Variants in VPS13B observed in about 807,000 individuals in gnomAD.
The protein encoded by VPS13B is vacuolar protein sorting 13 homolog B.
VPS13B carries 285 observed loss-of-function variants against 426.4 expected under a neutral mutation model. The ratio of observed to expected loss-of-function variants is 0.67; its 90% CI spans 0.61 to 0.74. The LOEUF is 0.74. Ranked by LOEUF, VPS13B falls within the 30% of genes least tolerant of loss-of-function variation. VPS13B has a pLI of 0.00. For synonymous variants in VPS13B, 1,676 were observed against 1,676.4 expected, an observed-to-expected ratio of 1.00 and a Z score of 0.01; for missense variants, 4,537 against 4,782.6, an observed-to-expected ratio of 0.95 and a Z score of 1.51.
At position 99,115,850 on chromosome 8, in the gene VPS13B, A is replaced by C. The variant is rs1231214931; in HGVS notation, c.913A>C (p.Lys305Gln). 6.2e-7 allele frequency: 1 copy of C among 1,613,338 alleles called. No homozygotes were observed. Among genetic ancestry groups the C allele is most frequent in the Non-Finnish European group, 8.5e-7 (1 of 1,179,750 alleles). ...AATAGAGGACCTTACTTGTCATAAT[A>C]AAGATATGCTAGGAAACATTACAGG... Reference protein sequence around the residue: ...GEIEDLTCHNKDMLGNITGSE... With the variant: ...GEIEDLTCHNQDMLGNITGSE... The change falls in exon 7 of 62, where the codon AAA becomes CAA. Residue 305 changes from lysine (K) to glutamine (Q), a missense_variant. Coordinates refer to ENST00000357162, the MANE Select transcript of VPS13B (RefSeq NM_152564.5).
chr8:99,144,076 A>G (rs1443049004), intron 13 of VPS13B, among the ~76,000 whole-genome samples: 1 of 152,028 alleles, frequency 6.6e-6, no homozygotes, highest in Non-Finnish European at 1.5e-5. Flanking sequence ...GCCATTTCAG[A>G]TCCTGAGATT....
chr8:99,291,412 A>G (rs1167440963), intron 19 of VPS13B, among the ~76,000 whole-genome samples: 1 of 152,172 alleles, frequency 6.6e-6, no homozygotes, highest in Non-Finnish European at 1.5e-5. Context: ...TAAAGAACTC[A>G]TATTCTTCAC....
intron 40 of VPS13B, among the ~76,000 whole-genome samples, chr8:99,771,582 CT>C (rs1811492978): frequency 6.6e-6 from 1 of 152,134 alleles, no homozygotes; most frequent in South Asian, 2.1e-4. Flanking sequence ...AGAAGAACTC[CT>C]TTTCATTTCC....
At chr8:99,518,264 G>A (rs1014888299) in intron 29 of VPS13B, among the ~76,000 whole-genome samples, 7 of 152,192 alleles carry the variant, frequency 4.6e-5, no homozygotes, top group African/African-American at 9.6e-5. Context: ...TTTGTGGTAC[G>A]GTTTATTCTC....
intron 43 of VPS13B, chr8:99,804,384 T>C (rs1368556508): frequency 2.0e-5 from 3 of 152,170 alleles, no homozygotes; most frequent in African/African-American, 7.2e-5. Flanking sequence ...GGAGGCAGGG[T>C]GACCACATTC....
chr8:99,381,455 T>A (rs36137924), intron 19 of VPS13B, among the ~76,000 whole-genome samples: 1 of 152,060 alleles, frequency 6.6e-6, no homozygotes, highest in Non-Finnish European at 1.5e-5. Flanking sequence ...TGCAGTTCTG[T>A]TTTTAGCTCT....
chr8:99,853,586 C>A lies in VPS13B; in HGVS notation c.10197C>A (p.Ala3399=), dbSNP rs1816400490. 6.2e-7 allele frequency: 1 copy of A among 1,614,058 alleles called. No individual in the cohort carries two copies. The highest frequency in any genetic ancestry group is 8.5e-7 in the Non-Finnish European group (1 of 1,180,044). Residue 3399 remains alanine, a synonymous_variant, in exon 56 of 62, where the codon GCC becomes GCA. Transcript: ENST00000357162. Reference sequence around the variant, plus strand: ...TGGACAACATTTTTCTCTGTGTGGCCCCGGGAGCTGGTCCCCTCCCTGGGG... The same window carrying A: ...TGGACAACATTTTTCTCTGTGTGGCACCGGGAGCTGGTCCCCTCCCTGGGG... ...LTLDNIFLCV[A]PGAGPLPGEE... is the part of the protein sequence containing the mutation.
rs117700635 is a variant in VPS13B, at chr8:99,812,522, G to C, written c.8097+2992G>C. Among the ~76,000 whole-genome samples the C allele has an allele frequency of 8.0e-3, 1,214 of 152,270 alleles. 11 individuals carry two copies. The highest frequency in any genetic ancestry group is 0.013 in the Non-Finnish European group (900 of 68,018). On this transcript the variant is annotated intron_variant, in intron 44 of 61. Coordinates refer to ENST00000357162, the MANE Select transcript of VPS13B (RefSeq NM_152564.5). ...AACACCCCCTGGATAATGGAGAATT[G>C]GCTAAAGCTCTTTTCTTAACATTGA...
At chr8:99,619,235 A>G (rs1032014185) in intron 33 of VPS13B, among the ~76,000 whole-genome samples, 1 of 152,060 alleles carries the variant, frequency 6.6e-6, no homozygotes, top group Non-Finnish European at 1.5e-5. Context: ...GAGTTTCTGA[A>G]CCAAAGGAAA....
chr8:99,268,972 T>A (rs1818442269), intron 17 of VPS13B, among the ~76,000 whole-genome samples: 2 of 152,112 alleles, frequency 1.3e-5, no homozygotes, highest in African/African-American at 4.8e-5. Flanking sequence ...TCTTAGGAGA[T>A]CTGATGGTGT....
intron 17 of VPS13B, among the ~76,000 whole-genome samples, chr8:99,247,740 A>G (rs138252011): frequency 1.2e-4 from 19 of 152,322 alleles, no homozygotes; most frequent in African/African-American, 3.8e-4. Flanking sequence ...TAGTACACAT[A>G]CATGTCTTCT....
rs115301220 is a variant in VPS13B, at chr8:99,753,707, A to C, written c.7051-13067A>C. ...AAAAACCAACCCAAACATAGATTCT[A>C]ATAAAAGAACGTTACACATTTCCTT... On this transcript the variant is annotated intron_variant, in intron 39 of 61. Coordinates refer to ENST00000357162, the MANE Select transcript of VPS13B (RefSeq NM_152564.5). 8.8e-3 allele frequency among the ~76,000 whole-genome samples: 1,345 copies of C among 152,342 alleles called. 19 individuals carry two copies. Among genetic ancestry groups the C allele is most frequent in the African/African-American group, 0.029 (1,190 of 41,584 alleles).
intron 35 of VPS13B, chr8:99,697,477 C>T: frequency 1.4e-6 from 1 of 737,840 alleles, no homozygotes; most frequent in Non-Finnish European, 2.5e-6. Context: ...GCGATGCCTG[C>T]TCTAAGCTGA....
chr8:99,216,867 A>G (rs1400338315), intron 17 of VPS13B, among the ~76,000 whole-genome samples: 1 of 152,100 alleles, frequency 6.6e-6, no homozygotes, highest in Non-Finnish European at 1.5e-5. Context: ...GGTTAGTACA[A>G]GATTTTAAGT....
At chr8:99,430,242 T>G (rs868705305) in intron 21 of VPS13B, among the ~76,000 whole-genome samples, 1 of 152,180 alleles carries the variant, frequency 6.6e-6, no homozygotes, top group Admixed American at 6.6e-5. Flanking sequence ...GCTCATATAT[T>G]AACCAAGTTA....
chr8:99,547,743 A>G (rs1488432966), intron 30 of VPS13B, among the ~76,000 whole-genome samples: 2 of 152,126 alleles, frequency 1.3e-5, no homozygotes, highest in Admixed American at 6.6e-5. Context: ...TTCAAATGGT[A>G]TGGGATAAGA....
At chr8:99,013,677 C>G in intron 1 of VPS13B, 83 bp from the exon 2 acceptor site, 1 of 1,354,762 alleles carries the variant, frequency 7.4e-7, no homozygotes, top group African/African-American at 1.4e-5. Context: ...TTGGTGGGGA[C>G]TTACTGCTTT....
chr8:99,768,847 C>G (rs1216253764), intron 40 of VPS13B, among the ~76,000 whole-genome samples: 1 of 152,122 alleles, frequency 6.6e-6, no homozygotes, highest in Non-Finnish European at 1.5e-5. Flanking sequence ...TTCAGGTTAT[C>G]TCATCAGAAA....
intron 39 of VPS13B, among the ~76,000 whole-genome samples, chr8:99,730,732 C>T (rs190521613): frequency 1.3e-5 from 2 of 151,326 alleles, no homozygotes; most frequent in Admixed American, 1.3e-4. Flanking sequence ...GGTACAGGTA[C>T]CTCCTGAAAG....
Sources: allele counts gnomAD v4.1 joint callset (sites outside exome capture counted in the v4.1 genomes callset), GRCh38; gene constraint gnomAD v4.1.1; transcripts MANE v1.5; gene names NCBI Gene and HGNC (gene_info 2026-07-23, HGNC 2026-07-21).